The following GAN variants were observed in gnomAD, a reference collection of about 807,000 sequenced individuals.
The protein encoded by GAN is epididymis secretory sperm binding protein.
In GAN, 48 loss-of-function variants were observed where a neutral mutation model predicts 71.3. That is an observed-to-expected ratio of 0.67 (90% CI 0.53 to 0.86). The LOEUF is 0.86. GAN is among the 40% of genes least tolerant of loss of function. The probability of loss-of-function intolerance (pLI) is 0.00; values close to 1 mark genes in which losing one functional copy is unlikely to be tolerated. For synonymous variants in GAN, 386 were observed against 276.8 expected, an observed-to-expected ratio of 1.39 and a Z score of -3.92; for missense variants, 928 against 770.1, an observed-to-expected ratio of 1.21 and a Z score of -2.43.
intron 6 of GAN, among the ~76,000 whole-genome samples, chr16:81,362,976 C>G (rs1885239619): frequency 6.6e-6 from 1 of 152,206 alleles, no homozygotes; most frequent in African/African-American, 2.4e-5. Flanking sequence ...ACGGACCAGG[C>G]ATTTAAAGTT....
intron 10 of GAN, 40 bp downstream of exon 10, chr16:81,377,368 G>T (rs1424740779): frequency 6.3e-7 from 1 of 1,594,290 alleles, no homozygotes; most frequent in Non-Finnish European, 8.6e-7. Context: ...CTGTTTCCTG[G>T]TGATTCTGGG....
rs1567501664 is a variant in GAN at position 81,377,696 on chromosome 16, G to C, written c.*100G>C. On this transcript the variant is annotated 3_prime_UTR_variant, in exon 11 of 11. Transcript: ENST00000648994. Reference sequence around the variant, plus strand: ...GGCAGCTGAAACTCACTCTGTGCTGGGCTTTGGTATGGTAACTCTTTGGTG... The same window carrying C: ...GGCAGCTGAAACTCACTCTGTGCTGCGCTTTGGTATGGTAACTCTTTGGTG... 3.7e-6 allele frequency: 4 copies of C among 1,076,368 alleles called. No homozygotes were observed. The East Asian group carries it at 7.1e-5, about 19-fold the overall frequency. 66.7% of individuals were successfully genotyped at this position (1,076,368 alleles called of 1,614,324 possible).
In GAN at chr16:81,356,990, G is replaced by C. The variant is rs752854928; in HGVS notation, c.839G>C (p.Gly280Ala). The C allele has an allele frequency of 6.2e-7, 1 of 1,600,774 alleles. No homozygotes were observed. Among genetic ancestry groups the C allele is most frequent in the Non-Finnish European group, 8.6e-7 (1 of 1,168,956 alleles). ...TCTGAGTGCATCGTGACTGTTGGTG[G>C]AGAAGAGAGAGTGTAAGTATGAGGT... is the stretch of plus-strand genomic sequence containing the variant. ...GYSECIVTVG[G>A]EERVSRKPTA... is the part of the protein sequence containing the mutation. Residue 280 changes from glycine (G) to alanine (A), a missense_variant, in exon 4 of 11, where the codon GGA becomes GCA. Gly to Ala is a moderately conservative substitution (Grantham distance 60, BLOSUM62 0). Transcript: ENST00000648994.
chr16:81,355,129 C>G (rs917449890), intron 3 of GAN, among the ~76,000 whole-genome samples: 1 of 152,186 alleles, frequency 6.6e-6, no homozygotes, highest in Non-Finnish European at 1.5e-5. Flanking sequence ...CCTCAGGTGC[C>G]TGCAGCAGGC....
chr16:81,354,848 A>G, intron 3 of GAN, 93 bp downstream of exon 3: 1 of 752,734 alleles, frequency 1.3e-6, no homozygotes, highest in South Asian at 1.5e-5. Context: ...ATCATGAAAG[A>G]CTTACGATGC....
intron 9 of GAN, among the ~76,000 whole-genome samples, chr16:81,370,285 A>T (rs1037379285): frequency 1.1e-4 from 16 of 152,316 alleles, no homozygotes; most frequent in African/African-American, 3.8e-4. Flanking sequence ...GTACTTTCAG[A>T]TGCCTTTGTA....
chr16:81,373,458 GA>G (rs1904274412), intron 9 of GAN, among the ~76,000 whole-genome samples: 1 of 152,186 alleles, frequency 6.6e-6, no homozygotes, highest in African/African-American at 2.4e-5. Flanking sequence ...TTTTATTTTG[GA>G]ATAATACTGT....
At chr16:81,350,145 C>T (rs750152047) in intron 1 of GAN, among the ~76,000 whole-genome samples, 1 of 151,556 alleles carries the variant, frequency 6.6e-6, no homozygotes, top group Non-Finnish European at 1.5e-5. Context: ...ATTAGTATCA[C>T]AAATATGTAA....
intron 7 of GAN, among the ~76,000 whole-genome samples, chr16:81,364,534 A>G (rs1322679597): frequency 3.3e-5 from 5 of 152,142 alleles, no homozygotes. Flanking sequence ...AAAGTTTTAA[A>G]TAAAGTTAGC....
intron 2 of GAN, among the ~76,000 whole-genome samples, 166 bp from the exon 3 acceptor site, chr16:81,354,239 T>C (rs1263573309): frequency 1.1e-5 from 1 of 93,896 alleles, no homozygotes. Flanking sequence ...TTCCAACTCT[T>C]GGAAAAAAAA....
At position 81,315,290 on chromosome 16, in the gene GAN, G is replaced by A. The variant is rs1164159954; in HGVS notation, c.167+10G>A. The A allele has an allele frequency of 6.6e-7, 1 of 1,521,764 alleles. No homozygotes were observed. Among genetic ancestry groups the A allele is most frequent in the Non-Finnish European group, 8.8e-7 (1 of 1,134,236 alleles). The allele number at this position is 1,521,764 out of a possible 1,614,324, so 94.3% of individuals were successfully genotyped here. ...CCAGCCCGTACATCAGGTGGGGAGGGGGCTACGGCGGGCGGGCGCGGCGGT... is the reference window on the plus strand; with the variant it reads ...CCAGCCCGTACATCAGGTGGGGAGGAGGCTACGGCGGGCGGGCGCGGCGGT... On this transcript the variant is annotated intron_variant, in intron 1 of 10. Coordinates refer to ENST00000648994, the MANE Select transcript of GAN (RefSeq NM_022041.4).
intron 3 of GAN, among the ~76,000 whole-genome samples, chr16:81,356,231 G>C (rs918771968): frequency 4.1e-5 from 5 of 122,464 alleles, no homozygotes; most frequent in African/African-American, 1.5e-4. Context: ...TAGTGATTGA[G>C]CAGTAAAAGT....
Position 81,351,641 on chromosome 16 carries a change from G to C in GAN, c.226G>C (p.Glu76Gln). 1 of 1,571,370 alleles carries C rather than the reference G, an allele frequency of 6.4e-7. No individual in the cohort carries two copies. The highest frequency in any genetic ancestry group is 8.8e-7 in the Non-Finnish European group (1 of 1,140,974). ...DDGSTYKIEL[E>Q]GISVMVMREI... ...TGGATCAACTTATAAGATTGAACTT[G>C]AAGGGATATCGGTAATGGTTATGAG... Residue 76 changes from glutamate to glutamine, a missense_variant, in exon 2 of 11, where the codon GAA becomes CAA. Glu to Gln is a conservative substitution (Grantham distance 29). Coordinates refer to ENST00000648994, the MANE Select transcript of GAN (RefSeq NM_022041.4).
At chr16:81,343,367 A>T (rs933955135) in intron 1 of GAN, among the ~76,000 whole-genome samples, 1 of 152,236 alleles carries the variant, frequency 6.6e-6, no homozygotes. Context: ...GAAAATCCTC[A>T]ATAAAATACT....
chr16:81,341,444 G>C (rs1909939114), intron 1 of GAN, among the ~76,000 whole-genome samples: 1 of 152,230 alleles, frequency 6.6e-6, no homozygotes, highest in Non-Finnish European at 1.5e-5. Context: ...TCTCTCTGCA[G>C]AAACCCTACA....
intron 1 of GAN, among the ~76,000 whole-genome samples, chr16:81,334,908 C>T (rs16955063): frequency 0.42 from 64,517 of 152,014 alleles, 14,315 homozygotes; most frequent in Middle Eastern, 0.51. Flanking sequence ...AGTGCCTGGT[C>T]AGTACCATTT....
chr16:81,346,964 A>G (rs1445616183), intron 1 of GAN, among the ~76,000 whole-genome samples: 2 of 152,230 alleles, frequency 1.3e-5, no homozygotes, highest in Non-Finnish European at 2.9e-5. Flanking sequence ...AAAGCAAGCA[A>G]AAAAGGGTGA....
rs1365863081 is a variant in GAN, at chr16:81,384,490, T to G, written c.*6894T>G. On this transcript the variant is annotated 3_prime_UTR_variant, in exon 11 of 11. Transcript: ENST00000648994. ...TGCTGTGTAAAACAGGGGGCTCGAT[T>G]TCCATTCTTGTTAGCATCAGACAAG... 1.3e-5 allele frequency: 2 copies of G among 152,124 alleles called. No homozygotes were observed. The highest frequency in any genetic ancestry group is 6.6e-5 in the Admixed American group (1 of 15,266). 9.4% of individuals were successfully genotyped at this position (152,124 alleles called of 1,614,324 possible).
chr16:81,375,402 T>C (rs1308525434), intron 9 of GAN, among the ~76,000 whole-genome samples: 1 of 146,748 alleles, frequency 6.8e-6, no homozygotes, highest in Admixed American at 7.1e-5. Context: ...AGTGGCATGA[T>C]CTCAACTCAC....
Sources: allele counts gnomAD v4.1 joint callset (sites outside exome capture counted in the v4.1 genomes callset), GRCh38; gene constraint gnomAD v4.1.1; transcripts MANE v1.5; gene names NCBI Gene and HGNC (gene_info 2026-07-23, HGNC 2026-07-21).